Variants in CERS6 observed in about 807,000 individuals in gnomAD.
The protein encoded by CERS6 is LAG1 homolog, ceramide synthase 6.
CERS6 carries 26 observed loss-of-function variants against 56.8 expected under a neutral mutation model. The observed-to-expected ratio is 0.46, with a 90% CI of 0.34 to 0.63. CERS6 has a LOEUF of 0.63. Among genes scored for constraint, CERS6 ranks in the 30% least tolerant of loss-of-function variants. The probability of loss-of-function intolerance (pLI) is 0.01; values close to 1 mark genes in which losing one functional copy is unlikely to be tolerated. For synonymous variants in CERS6, 164 were observed against 173.3 expected (o/e 0.95, Z 0.42); for missense variants, 415 against 467.5 (o/e 0.89, Z 1.04).
At chr2:168,481,461 A>T (rs974553074) in intron 1 of CERS6, among the ~76,000 whole-genome samples, 16 of 152,132 alleles carry the variant, frequency 1.1e-4, no homozygotes, top group Admixed American at 5.9e-4. Flanking sequence ...CTGACTTTGC[A>T]ACTGAGCAAC....
At chr2:168,590,024 AACCAGTACAGT>A (rs1156395872) in intron 3 of CERS6, among the ~76,000 whole-genome samples, 1 of 152,214 alleles carries the variant, frequency 6.6e-6, no homozygotes, top group East Asian at 1.9e-4. Flanking sequence ...AAATTCGTTA[AACCAGTACAGT>A]ACCTGAGAGA....
chr2:168,729,950 T>C (rs753427290), intron 8 of CERS6, among the ~76,000 whole-genome samples: 1 of 152,206 alleles, frequency 6.6e-6, no homozygotes, highest in Non-Finnish European at 1.5e-5. Context: ...ATTGATTAGG[T>C]TATGTGCCCA....
chr2:168,766,084 C>T (rs1684723013), intron 9 of CERS6, among the ~76,000 whole-genome samples: 1 of 152,076 alleles, frequency 6.6e-6, no homozygotes, highest in Admixed American at 6.5e-5. Context: ...TGAGAAGGGT[C>T]GCTTGGTGCT....
At chr2:168,587,505 A>G (rs1683571849) in intron 3 of CERS6, among the ~76,000 whole-genome samples, 1 of 152,200 alleles carries the variant, frequency 6.6e-6, no homozygotes, top group African/African-American at 2.4e-5. Context: ...GCCTTTGTGT[A>G]ATGAAGGTTT....
intron 7 of CERS6, among the ~76,000 whole-genome samples, chr2:168,717,135 A>G (rs1330503142): frequency 3.3e-5 from 5 of 152,210 alleles, no homozygotes; most frequent in African/African-American, 1.2e-4. Flanking sequence ...AGACTAATTT[A>G]TAATATAAAA....
Position 168,620,907 on chromosome 2 carries a change from C to T in CERS6, c.408-10078C>T, listed in dbSNP as rs377672267. ...CCTCCTGAGTAGCTGGGATTACAGG[C>T]ACATGTCACCAAGCCAGGCTAATTT... is the stretch of plus-strand genomic sequence containing the variant. On this transcript the variant is annotated intron_variant, in intron 3 of 9. Transcript: ENST00000305747. Among the ~76,000 whole-genome samples, 60 of 152,014 alleles carry T rather than the reference C, an allele frequency of 3.9e-4. No individual in the cohort carries two copies. The Middle Eastern group carries it at 0.01, about 26-fold the overall frequency.
At chr2:168,475,229 AAAG>A (rs1369568300) in intron 1 of CERS6, among the ~76,000 whole-genome samples, 4 of 152,182 alleles carry the variant, frequency 2.6e-5, no homozygotes, top group Admixed American at 2.0e-4. Context: ...AAGCTAAAAA[AAAG>A]TGCCACGAAC....
Position 168,696,080 on chromosome 2 carries a change from C to T in CERS6, c.609+1029C>T, listed in dbSNP as rs147719198. Among the ~76,000 whole-genome samples, 466 of 152,240 alleles carry T rather than the reference C, an allele frequency of 3.1e-3. 1 individual carries two copies. Among genetic ancestry groups the T allele is most frequent in the African/African-American group, 9.9e-3 (411 of 41,530 alleles). ...CAAGGAAAACAGTTCTAATCCCAAG[C>T]ATTTGGGGTAAGGGATACACAACGT... On this transcript the variant is annotated intron_variant, in intron 6 of 9. Coordinates refer to ENST00000305747, the MANE Select transcript of CERS6 (RefSeq NM_203463.3).
intron 7 of CERS6, among the ~76,000 whole-genome samples, chr2:168,715,538 C>G (rs916440102): frequency 2.0e-5 from 3 of 151,812 alleles, no homozygotes; most frequent in Non-Finnish European, 4.4e-5. Flanking sequence ...GTTTTTATTG[C>G]CAATACACAT....
chr2:168,686,240 G>A (rs1390635385), intron 4 of CERS6, among the ~76,000 whole-genome samples: 17 of 150,430 alleles, frequency 1.1e-4, no homozygotes, highest in Non-Finnish European at 4.4e-5. Context: ...CTCTGAGCAC[G>A]CGCGTGGAGA....
At chr2:168,498,769 G>A (rs184658632) in intron 1 of CERS6, among the ~76,000 whole-genome samples, 45 of 152,184 alleles carry the variant, frequency 3.0e-4, no homozygotes, top group Non-Finnish European at 5.7e-4. Context: ...GCGCTGAAAC[G>A]CAGAAGGGAT....
intron 1 of CERS6, among the ~76,000 whole-genome samples, chr2:168,504,211 C>A (rs890501356): frequency 6.6e-6 from 1 of 152,028 alleles, no homozygotes. Context: ...AGAGTCAAGA[C>A]CAGCCTGGGA....
chr2:168,518,659 C>G (rs1170900420), intron 1 of CERS6, among the ~76,000 whole-genome samples: 2 of 152,120 alleles, frequency 1.3e-5, no homozygotes, highest in Admixed American at 1.3e-4. Flanking sequence ...TGGTTTCAAC[C>G]AATACCTCTC....
intron 8 of CERS6, among the ~76,000 whole-genome samples, chr2:168,722,339 G>A (rs544836068): frequency 8.5e-5 from 13 of 152,150 alleles, no homozygotes; most frequent in African/African-American, 1.4e-4. Flanking sequence ...TTTTGATGTC[G>A]TAAGAAACCA....
intron 8 of CERS6, among the ~76,000 whole-genome samples, chr2:168,764,499 G>T (rs181654636): frequency 2.6e-5 from 4 of 152,120 alleles, no homozygotes; most frequent in Non-Finnish European, 2.9e-5. Flanking sequence ...TCATTTCAAG[G>T]CATCATCAAA....
chr2:168,474,058 T>C (rs1367414917), intron 1 of CERS6, among the ~76,000 whole-genome samples: 3 of 152,174 alleles, frequency 2.0e-5, no homozygotes, highest in Non-Finnish European at 4.4e-5. Context: ...AGCAAGATCA[T>C]GTCTCTCAAA....
At chr2:168,627,628 GA>G (rs1472252897) in intron 3 of CERS6, among the ~76,000 whole-genome samples, 20 of 16,922 alleles carry the variant, frequency 1.2e-3, no homozygotes, top group African/African-American at 3.7e-3. Flanking sequence ...CTTGAACACT[GA>G]AGTTTTTTTT....
chr2:168,689,287 A>G (rs940521028), intron 4 of CERS6, among the ~76,000 whole-genome samples: 1 of 152,186 alleles, frequency 6.6e-6, no homozygotes, highest in African/African-American at 2.4e-5. Context: ...GAGAACGGCA[A>G]TAACTAACAT....
intron 1 of CERS6, among the ~76,000 whole-genome samples, chr2:168,509,194 G>A (rs1051445304): frequency 6.6e-6 from 1 of 152,094 alleles, no homozygotes; most frequent in Non-Finnish European, 1.5e-5. Context: ...CCATTTATTG[G>A]ACACAAATTC....
Sources: allele counts gnomAD v4.1 joint callset (sites outside exome capture counted in the v4.1 genomes callset), GRCh38; gene constraint gnomAD v4.1.1; transcripts MANE v1.5; gene names NCBI Gene and HGNC (gene_info 2026-07-23, HGNC 2026-07-21).